Variants in ANGEL1 observed in about 807,000 individuals in gnomAD.
ANGEL1 encodes the protein RNA 2',3'-cyclic phosphatase ANGEL1.
A neutral mutation model predicts 76.4 loss-of-function variants in ANGEL1; 62 were observed. The observed-to-expected ratio is 0.81, with a 90% CI of 0.66 to 1.00. The LOEUF (loss-of-function observed/expected upper bound fraction) is 1.00, where lower values mean the gene tolerates loss of function less well. Ranked by LOEUF, ANGEL1 falls within the 50% of genes least tolerant of loss-of-function variation. ANGEL1 has a pLI of 0.00. For missense variants in ANGEL1, 737 were observed against 836.7 expected (o/e 0.88, Z 1.47); for synonymous variants, 340 against 331.7 (o/e 1.03, Z -0.27).
intron 5 of ANGEL1, chr14:76,804,311 T>C (rs1301215876): frequency 2.6e-6 from 3 of 1,153,320 alleles, no homozygotes; most frequent in East Asian, 5.1e-5. Context: ...AGGTCTAATA[T>C]CCTGAACCTA....
At chr14:76,790,813 T>C (rs778304433) in intron 8 of ANGEL1, 39 bp from the exon 9 acceptor site, 1 of 1,518,668 alleles carries the variant, frequency 6.6e-7, no homozygotes, top group Admixed American at 2.3e-5. Flanking sequence ...TAACAAAAAT[T>C]ACTAAATTTT....
chr14:76,795,263 A>G (rs1472882882), intron 7 of ANGEL1, among the ~76,000 whole-genome samples: 1 of 152,222 alleles, frequency 6.6e-6, no homozygotes, highest in African/African-American at 2.4e-5. Context: ...CACAAGTTTC[A>G]TGTATTTTAG....
At chr14:76,804,111 G>GAAATGTCCATGA in intron 5 of ANGEL1, 199 bp from the exon 6 acceptor site, 1 of 1,451,820 alleles carries the variant, frequency 6.9e-7, no homozygotes, top group Non-Finnish European at 9.0e-7. Context: ...TGGCAACACT[G>GAAATGTCCATGA]AAATGTCCAT....
At chr14:76,807,550 AC>A (rs1555361687) in intron 3 of ANGEL1, 48 bp from the exon 4 acceptor site, 1 of 1,585,700 alleles carries the variant, frequency 6.3e-7, no homozygotes, top group Non-Finnish European at 8.6e-7. Context: ...CTGGAATGTG[AC>A]CCCCACCCTC....
At chr14:76,805,442 T>C (rs1452078876) in intron 5 of ANGEL1, among the ~76,000 whole-genome samples, 1 of 152,226 alleles carries the variant, frequency 6.6e-6, no homozygotes. Context: ...TCTGGCTCAT[T>C]TACATAAAAT....
chr14:76,789,262 A>G lies in ANGEL1; in HGVS notation c.1979T>C (p.Leu660Pro). 6.2e-7 allele frequency: 1 copy of G among 1,614,226 alleles called. No homozygotes were observed. Among genetic ancestry groups the G allele is most frequent in the Non-Finnish European group, 8.5e-7 (1 of 1,180,032 alleles). The part of the protein sequence containing the change: ...PFCSSDHLCL[L>P]ASFGMEVTAP ...GGTGACTTCCATCCCGAAGCTGGCT[A>G]GCAGGCAGAGGTGGTCTGAAGAGCA... is the stretch of plus-strand genomic sequence containing the variant. Residue 660 changes from leucine (L) to proline (P), a missense_variant, in exon 10 of 10, where the codon CTA becomes CCA. Around this residue, in one of 2 missense-constraint regions of ANGEL1, gnomAD observed 296 missense variants for 387.2 expected, o/e 0.76. Coordinates refer to ENST00000251089, the MANE Select transcript of ANGEL1 (RefSeq NM_015305.4).
intron 1 of ANGEL1, chr14:76,810,356 T>C (rs2140232346): frequency 2.7e-6 from 1 of 367,618 alleles, no homozygotes; most frequent in East Asian, 8.8e-5. Context: ...AGGTTGACGC[T>C]GCAGTGAGCT....
At chr14:76,807,586 G>C in intron 3 of ANGEL1, 84 bp from the exon 4 acceptor site, 1 of 1,389,892 alleles carries the variant, frequency 7.2e-7, no homozygotes, top group South Asian at 1.2e-5. Context: ...GAGGCCAGGT[G>C]GGAAGCTGCT....
At chr14:76,812,554 C>T in intron 1 of ANGEL1, 1 of 1,245,604 alleles carries the variant, frequency 8.0e-7, no homozygotes, top group Non-Finnish European at 1.0e-6. Flanking sequence ...GAGGAGGGGC[C>T]GCCCACGAGG....
intron 1 of ANGEL1, chr14:76,810,268 A>T (rs889288566): frequency 2.2e-5 from 10 of 454,762 alleles, no homozygotes; most frequent in African/African-American, 1.8e-4. Context: ...CAAAAAATTA[A>T]AAATTAGCCA....
chr14:76,789,979 C>G lies in ANGEL1; in HGVS notation c.1853-591G>C, dbSNP rs573915898. Among the ~76,000 whole-genome samples the G allele has an allele frequency of 8.1e-4, 123 of 152,070 alleles. 1 individual carries two copies. The highest frequency in any genetic ancestry group is 2.9e-3 in the African/African-American group (119 of 41,470). On this transcript the variant is annotated intron_variant, in intron 9 of 9. Coordinates refer to ENST00000251089, the MANE Select transcript of ANGEL1 (RefSeq NM_015305.4). ...TCCCGAGTTCAAGCGATTCTCCTGC[C>G]TCAGCCTCCCAAGCAGCTGGGATTA...
At chr14:76,808,936 T>G (rs1201922946) in intron 2 of ANGEL1, 123 bp downstream of exon 2, 1 of 934,534 alleles carries the variant, frequency 1.1e-6, no homozygotes, top group African/African-American at 1.7e-5. Flanking sequence ...CATGCCAAGA[T>G]TCTTAGAAAA....
In ANGEL1 at chr14:76,806,740, G is replaced by C; in HGVS notation, c.1056C>G (p.Phe352Leu). Residue 352 changes from phenylalanine to leucine, a missense_variant, in exon 5 of 10, where the codon TTC (phenylalanine) becomes TTG (leucine). Around this residue, in one of 2 missense-constraint regions of ANGEL1, gnomAD observed 441 missense variants for 449.5 expected, o/e 0.98. Transcript: ENST00000251089. ...GATTAAGTAGCTCCAAGCCAGGCCG[G>C]AAGTACTCCACAGGGCTAGCACAGA... is the stretch of plus-strand genomic sequence containing the variant. Reference protein sequence around the residue: ...RLLCASPVEYFRPGLELLNRD... With the variant: ...RLLCASPVEYLRPGLELLNRD... 1 of 1,614,142 alleles carries C rather than the reference G, an allele frequency of 6.2e-7. No homozygotes were observed. Among genetic ancestry groups the C allele is most frequent in the Non-Finnish European group, 8.5e-7 (1 of 1,180,044 alleles).
At chr14:76,803,650 T>A (rs1894830319) in intron 6 of ANGEL1, 136 bp downstream of exon 6, 2 of 1,406,930 alleles carry the variant, frequency 1.4e-6, no homozygotes, top group Non-Finnish European at 1.9e-6. Flanking sequence ...TGGACAGCCA[T>A]TGGGAGGATA....
rs1894321808 is a variant in ANGEL1, at chr14:76,789,087, G to A, written c.*141C>T. ...AGCCAGGCCTGGAGAAAGTCTAACC[G>A]TGGGAAAAAGGGAACGAGGAGGGGG... On this transcript the variant is annotated 3_prime_UTR_variant, in exon 10 of 10. Transcript: ENST00000251089. 1.7e-5 allele frequency: 20 copies of A among 1,183,376 alleles called. No homozygotes were observed. The highest frequency in any genetic ancestry group is 2.2e-5 in the Admixed American group (1 of 45,286). The allele number at this position is 1,183,376 out of a possible 1,614,324, so 73.3% of individuals were successfully genotyped here. A position where few individuals can be genotyped will look rare whatever the true frequency, so the allele number is the denominator to read the frequency against.
In ANGEL1 at chr14:76,792,364, C is replaced by CA. The variant is rs34027343; in HGVS notation, c.1619-999dup. Among the ~76,000 whole-genome samples the CA allele has an allele frequency of 6.0e-4, 91 of 151,536 alleles. 1 individual carries two copies. Among genetic ancestry groups the CA allele is most frequent in the Admixed American group, 1.4e-3 (21 of 15,228 alleles). ...CATACAAATCCTTCACAAACACTTC[C>CA]AAAAAAAAGAGGAGACACTTCTCAA... On this transcript the variant is annotated intron_variant, in intron 7 of 9. Coordinates refer to ENST00000251089, the MANE Select transcript of ANGEL1 (RefSeq NM_015305.4).
rs947433922 is a variant in ANGEL1, at chr14:76,812,662, T to C, written c.64+102A>G. On this transcript the variant is annotated intron_variant, in intron 1 of 9. Coordinates refer to ENST00000251089, the MANE Select transcript of ANGEL1 (RefSeq NM_015305.4). ...CACCTCGGCACTGCCCGGGGCACGG[T>C]AGTCGTGAGGCCCGGCCAACCGCAC... The C allele has an allele frequency of 2.1e-4, 287 of 1,379,626 alleles. 3 individuals are homozygous for C. In the East Asian group the frequency reaches 8.0e-3, roughly 39 times the overall value. 85.5% of individuals were successfully genotyped at this position (1,379,626 alleles called of 1,614,324 possible).
At chr14:76,798,872 C>CG (rs1230991751) in intron 7 of ANGEL1, among the ~76,000 whole-genome samples, 2 of 144,778 alleles carry the variant, frequency 1.4e-5, no homozygotes, top group Non-Finnish European at 3.0e-5. Flanking sequence ...TGCCTGAACC[C>CG]GGGGGCAAAG....
At chr14:76,803,957 A>G (rs1262114765) in intron 5 of ANGEL1, 45 bp from the exon 6 acceptor site, 3 of 1,613,988 alleles carry the variant, frequency 1.9e-6, no homozygotes, top group East Asian at 2.2e-5. Context: ...CAAGATAGAA[A>G]AAGGAAGTAA....
Sources: allele counts gnomAD v4.1 joint callset (sites outside exome capture counted in the v4.1 genomes callset), GRCh38; gene constraint gnomAD v4.1.1; regional missense constraint gnomAD v4.1.1; transcripts MANE v1.5; gene names NCBI Gene and HGNC (gene_info 2026-07-23, HGNC 2026-07-21).